Variants in WWOX observed in about 807,000 individuals in gnomAD.
WWOX encodes WW domain containing oxidoreductase, also known as WW domain-containing oxidoreductase.
Under a neutral mutation model 46.2 loss-of-function variants are expected in WWOX, and 69 were observed. The ratio of observed to expected loss-of-function variants is 1.49; its 90% CI spans 1.23 to 1.82. The LOEUF (loss-of-function observed/expected upper bound fraction) is 1.82. WWOX is among the 40% of genes most tolerant of loss of function. The pLI, the probability that WWOX is intolerant of heterozygous loss-of-function variation, is 0.00. For synonymous variants in WWOX, 359 were observed against 202.6 expected (o/e 1.77, Z -6.56); for missense variants, 919 against 542.6 (o/e 1.69, Z -6.89).
At chr16:78,175,137 G>C (rs1669050222) in intron 5 of WWOX, among the ~76,000 whole-genome samples, 1 of 152,066 alleles carries the variant, frequency 6.6e-6, no homozygotes, top group East Asian at 1.9e-4. Context: ...TTCAGTGTCA[G>C]TGCCCTGGTA....
chr16:79,026,923 C>T (rs1032372709), intron 8 of WWOX, among the ~76,000 whole-genome samples: 1 of 151,198 alleles, frequency 6.6e-6, no homozygotes, highest in Non-Finnish European at 1.5e-5. Flanking sequence ...GCCACCACGC[C>T]TGGGCGGCAC....
intron 8 of WWOX, among the ~76,000 whole-genome samples, chr16:78,674,272 G>C (rs1161723440): frequency 7.4e-6 from 1 of 134,942 alleles, no homozygotes; most frequent in Non-Finnish European, 1.6e-5. Context: ...GTTCCAACCA[G>C]TTCATCTTTT....
At chr16:78,943,821 A>T (rs1035861060) in intron 8 of WWOX, among the ~76,000 whole-genome samples, 2 of 152,130 alleles carry the variant, frequency 1.3e-5, no homozygotes, top group Non-Finnish European at 2.9e-5. Context: ...TGTTTGGTGG[A>T]CTAAATGGCT....
Position 78,993,666 on chromosome 16 carries a change from G to A in WWOX, c.1057-217942G>A, listed in dbSNP as rs573613112. Reference sequence around the variant, plus strand: ...ATGGCTGTCTCTTAGTTTTGTCACCGGCGGCTTTATGTGGCTGCCACGGGG... The same window carrying A: ...ATGGCTGTCTCTTAGTTTTGTCACCAGCGGCTTTATGTGGCTGCCACGGGG... On this transcript the variant is annotated intron_variant, in intron 8 of 8. Transcript: ENST00000566780. 7.9e-5 allele frequency among the ~76,000 whole-genome samples: 12 copies of A among 152,292 alleles called. No homozygotes were observed. The South Asian group carries it at 1.2e-3, about 16-fold the overall frequency.
chr16:78,986,736 C>T (rs2151340415), intron 8 of WWOX, among the ~76,000 whole-genome samples: 1 of 152,288 alleles, frequency 6.6e-6, no homozygotes, highest in East Asian at 1.9e-4. Flanking sequence ...CATGTTGAAA[C>T]ATCTTTGCCA....
chr16:79,160,519 T>C (rs2150748763), intron 8 of WWOX, among the ~76,000 whole-genome samples: 1 of 152,292 alleles, frequency 6.6e-6, no homozygotes, highest in Admixed American at 6.5e-5. Context: ...TTAAATACAA[T>C]GATGTAACCT....
At chr16:78,483,279 CA>C (rs1318156638) in intron 8 of WWOX, among the ~76,000 whole-genome samples, 2 of 152,114 alleles carry the variant, frequency 1.3e-5, no homozygotes, top group East Asian at 3.9e-4. Flanking sequence ...AAGAAAGTTG[CA>C]TGTCACTTTA....
At chr16:78,580,066 A>G (rs1368353537) in intron 8 of WWOX, among the ~76,000 whole-genome samples, 5 of 149,670 alleles carry the variant, frequency 3.3e-5, no homozygotes, top group African/African-American at 1.2e-4. Flanking sequence ...GTTTTCTTTG[A>G]CAGAGGAAAT....
At chr16:78,391,764 C>G (rs1045565838) in intron 6 of WWOX, among the ~76,000 whole-genome samples, 6 of 152,264 alleles carry the variant, frequency 3.9e-5, no homozygotes, top group South Asian at 2.1e-4. Context: ...ATGAGAATTG[C>G]TTGAGCTCTG....
At chr16:78,342,818 C>A (rs56155980) in intron 5 of WWOX, among the ~76,000 whole-genome samples, 1 of 120,004 alleles carries the variant, frequency 8.3e-6, no homozygotes, top group Non-Finnish European at 2.0e-5. Flanking sequence ...CCATCAACAC[C>A]GAGGTGTCGG....
chr16:78,396,449 C>T (rs965280126), intron 6 of WWOX, among the ~76,000 whole-genome samples: 2 of 152,200 alleles, frequency 1.3e-5, no homozygotes, highest in African/African-American at 4.8e-5. Context: ...TTAACTATCA[C>T]TATCATCTTT....
intron 5 of WWOX, among the ~76,000 whole-genome samples, chr16:78,358,019 T>C (rs1213016671): frequency 3.3e-5 from 5 of 152,182 alleles, no homozygotes; most frequent in Non-Finnish European, 7.3e-5. Context: ...TAGGGCTGGG[T>C]AGAACACACA....
intron 8 of WWOX, among the ~76,000 whole-genome samples, chr16:79,207,951 C>A (rs1203795675): frequency 2.0e-5 from 3 of 152,196 alleles, no homozygotes; most frequent in Non-Finnish European, 4.4e-5. Context: ...TTCATCCCAA[C>A]ACCGAGTTTT....
intron 6 of WWOX, among the ~76,000 whole-genome samples, chr16:78,401,383 C>T (rs1488400005): frequency 1.3e-5 from 2 of 152,160 alleles, no homozygotes; most frequent in African/African-American, 2.4e-5. Flanking sequence ...TTCAACTTGA[C>T]ATGGCAAAAT....
chr16:78,599,852 C>T (rs998720348), intron 8 of WWOX, among the ~76,000 whole-genome samples: 8 of 152,100 alleles, frequency 5.3e-5, no homozygotes, highest in African/African-American at 1.4e-4. Context: ...GAGGAAGGGA[C>T]AGTGAGCTCT....
At chr16:79,005,138 G>T (rs544467673) in intron 8 of WWOX, among the ~76,000 whole-genome samples, 2 of 152,248 alleles carry the variant, frequency 1.3e-5, no homozygotes, top group African/African-American at 2.4e-5. Context: ...GTGGCTTTCT[G>T]TCTGGCCTTT....
At chr16:78,701,066 C>T (rs879451907) in intron 8 of WWOX, among the ~76,000 whole-genome samples, 2 of 152,122 alleles carry the variant, frequency 1.3e-5, no homozygotes, top group South Asian at 2.1e-4. Context: ...TTTTCAACCT[C>T]TCTGTGCTTA....
chr16:79,211,946 A>C lies in WWOX; in HGVS notation c.*150A>C. On this transcript the variant is annotated 3_prime_UTR_variant, in exon 9 of 9. Transcript: ENST00000566780. ...CAGTCACAACAGAGTGAAAAATCTT[A>C]AGTACCAATGGGAAGCAGGGAATTC... The C allele has an allele frequency of 6.5e-7, 1 of 1,537,144 alleles. No homozygotes were observed. The highest frequency in any genetic ancestry group is 8.7e-7 in the Non-Finnish European group (1 of 1,147,008).
At chr16:79,128,809 T>C (rs1054070629) in intron 8 of WWOX, among the ~76,000 whole-genome samples, 35 of 152,128 alleles carry the variant, frequency 2.3e-4, no homozygotes, top group Admixed American at 1.4e-3. Flanking sequence ...TCTCCTTACA[T>C]ATTTTGTTCA....
Sources: gnomAD v4.1 joint callset for allele counts (sites outside exome capture counted in the v4.1 genomes callset) on GRCh38, gnomAD v4.1.1 for gene constraint, MANE v1.5 for transcripts, NCBI Gene and HGNC (gene_info 2026-07-23, HGNC 2026-07-21) for gene names.